CD8B2: variants seen among roughly 807,000 people sequenced by gnomAD.
CD8B2 encodes the protein T-cell surface glycoprotein CD8 beta-2 chain.
CD8B2 carries 11 observed loss-of-function variants against 23.7 expected under a neutral mutation model. The observed-to-expected ratio is 0.46, with a 90% CI of 0.29 to 0.77. The LOEUF is 0.77. CD8B2 is among the 30% of genes least tolerant of loss of function. The pLI, the probability that CD8B2 is intolerant of heterozygous loss-of-function variation, is 0.09. For synonymous variants in CD8B2, 90 were observed against 109.3 expected (o/e 0.82, Z 1.10); for missense variants, 197 against 270.5 (o/e 0.73, Z 1.91).
chr2:106,512,746 C>G (rs192655717), downstream of CD8B2, among the ~76,000 whole-genome samples: 43 of 152,298 alleles, frequency 2.8e-4, no homozygotes, highest in East Asian at 7.4e-3. Flanking sequence ...TGCCCAATCC[C>G]TTAAGTTTCT....
intron 3 of CD8B2, among the ~76,000 whole-genome samples, chr2:106,498,367 T>C (rs1679338905): frequency 6.6e-6 from 1 of 152,068 alleles, no homozygotes; most frequent in Admixed American, 6.5e-5. Context: ...AAGCTGGTCT[T>C]GAGCTCCTGA....
chr2:106,515,073 C>G (rs1236516183), downstream of CD8B2, among the ~76,000 whole-genome samples: 1 of 152,210 alleles, frequency 6.6e-6, no homozygotes, highest in African/African-American at 2.4e-5. Context: ...AGATGTTAAT[C>G]TCCTTTCGCA....
At position 106,496,229 on chromosome 2, in the gene CD8B2, G is replaced by A. The variant is rs1679296802; in HGVS notation, c.460G>A (p.Val154Met). The part of the protein sequence containing the change: ...PTKKSTLKKR[V>M]CRLPRPETQK... ...CAAGAAGTCCACCCTCAAGAAGAGA[G>A]TGTGCCGGTTACCCAGGCCAGAGAC... The change falls in exon 3 of 6, where the codon GTG (valine) becomes ATG (methionine). Residue 154 changes from valine to methionine, a missense_variant. Around this residue, in one of 3 missense-constraint regions of CD8B2, gnomAD observed 35 missense variants for 82.9 expected, o/e 0.42. Transcript: ENST00000643224. 6.5e-7 allele frequency: 1 copy of A among 1,541,370 alleles called. No homozygotes were observed. Among genetic ancestry groups the A allele is most frequent in the African/African-American group, 1.4e-5 (1 of 72,140 alleles).
chr2:106,497,068 G>A (rs1334410992), intron 3 of CD8B2, among the ~76,000 whole-genome samples: 7 of 152,192 alleles, frequency 4.6e-5, no homozygotes, highest in African/African-American at 1.7e-4. Flanking sequence ...TTGAGCTCAG[G>A]AGTTAGAGAC....
chr2:106,522,469 T>G (rs772082858), intron 5 of CD8B2, among the ~76,000 whole-genome samples: 2 of 152,224 alleles, frequency 1.3e-5, no homozygotes, highest in Non-Finnish European at 2.9e-5. Context: ...CAAATTATTT[T>G]GCTCTTGTGA....
Position 106,491,010 on chromosome 2 carries a change from C to T in CD8B2, c.180C>T (p.Ala60=). 2 of 1,613,962 alleles carry T rather than the reference C, an allele frequency of 1.2e-6. No individual in the cohort carries two copies. Among genetic ancestry groups the T allele is most frequent in the Admixed American group, 3.3e-5 (2 of 60,024 alleles). Residue 60 remains alanine (A), a synonymous_variant, in exon 2 of 6, where the codon GCC becomes GCT. Transcript: ENST00000643224. ...MCIYWLRQRQ[A]PSSDSHHEFL... is the part of the protein sequence containing the mutation. The stretch of plus-strand genomic sequence containing the variant: ...TCTACTGGCTGAGACAGCGCCAGGC[C>T]CCGAGCAGTGATAGTCACCACGAGT...
At position 106,511,017 on chromosome 2, in the gene CD8B2, T is replaced by C. The variant is rs1456579174; in HGVS notation, c.*4077T>C. On this transcript the variant is annotated 3_prime_UTR_variant, in exon 6 of 6. Transcript: ENST00000643224. Reference sequence around the variant, plus strand: ...CACTTCTGCTTTGTACAGTTCCTTGTGTGAATTTTTACATCATGTATTACT... The same window carrying C: ...CACTTCTGCTTTGTACAGTTCCTTGCGTGAATTTTTACATCATGTATTACT... The C allele has an allele frequency of 6.6e-6, 1 of 152,234 alleles. No individual in the cohort carries two copies. Among genetic ancestry groups the C allele is most frequent in the Non-Finnish European group, 1.5e-5 (1 of 68,048 alleles). The allele number at this position is 152,234 out of a possible 1,614,324, so 9.4% of individuals were successfully genotyped here.
At chr2:106,536,976 G>A (rs903797003) in intron 5 of CD8B2, among the ~76,000 whole-genome samples, 38 of 152,188 alleles carry the variant, frequency 2.5e-4, no homozygotes, top group African/African-American at 8.0e-4. Context: ...AGTGCAGTAC[G>A]TCTCTCAGAA....
Position 106,504,308 on chromosome 2 carries a change from G to A in CD8B2, c.603G>A (p.Arg201=), listed in dbSNP as rs1679464450. Reference sequence around the variant, plus strand: ...TTCCAGGCCGGCGGAGGAGAGCCCGGCTTCGTTTCATGAAACAGTAAGTGT... The same window carrying A: ...TTCCAGGCCGGCGGAGGAGAGCCCGACTTCGTTTCATGAAACAGTAAGTGT... ...MHLCCRRRRA[R]LRFMKQFYK Residue 201 remains arginine, a synonymous_variant, in exon 5 of 6, where the codon CGG becomes CGA. Coordinates refer to ENST00000643224, the MANE Select transcript of CD8B2 (RefSeq NM_001349727.2). 3 of 1,554,522 alleles carry A rather than the reference G, an allele frequency of 1.9e-6. No homozygotes were observed. The highest frequency in any genetic ancestry group is 2.4e-5 in the South Asian group (2 of 84,192).
At chr2:106,492,523 G>A (rs915041492) in intron 2 of CD8B2, among the ~76,000 whole-genome samples, 66 of 152,264 alleles carry the variant, frequency 4.3e-4, no homozygotes, top group African/African-American at 1.5e-3. Context: ...CACATTTCAC[G>A]TGCTCAGCAG....
intron 5 of CD8B2, among the ~76,000 whole-genome samples, chr2:106,537,815 G>A (rs775342110): frequency 3.3e-5 from 5 of 152,186 alleles, no homozygotes; most frequent in Non-Finnish European, 5.9e-5. Context: ...AAGTTAGCAC[G>A]AAGGAAAAAC....
At chr2:106,497,087 G>A (rs1679314315) in intron 3 of CD8B2, among the ~76,000 whole-genome samples, 2 of 152,128 alleles carry the variant, frequency 1.3e-5, no homozygotes, top group Admixed American at 1.3e-4. Flanking sequence ...ACCAGCCTGG[G>A]CAACACGGTG....
At chr2:106,527,546 A>G (rs1451190180) in intron 5 of CD8B2, among the ~76,000 whole-genome samples, 2 of 152,214 alleles carry the variant, frequency 1.3e-5, no homozygotes, top group Non-Finnish European at 2.9e-5. Flanking sequence ...GCACTTCGGG[A>G]GACCGAGGTG....
At chr2:106,543,910 A>G in intron 5 of CD8B2, 2 of 398,146 alleles carry the variant, frequency 5.0e-6, no homozygotes, top group Non-Finnish European at 8.9e-6. Flanking sequence ...ATACACTGAA[A>G]GTTTTGTGAT....
downstream of CD8B2, among the ~76,000 whole-genome samples, chr2:106,514,195 G>A (rs1034424915): frequency 1.3e-5 from 2 of 150,194 alleles, no homozygotes; most frequent in East Asian, 1.9e-4. Flanking sequence ...TAATACTGTC[G>A]GCCTTTTATC....
intron 1 of CD8B2, among the ~76,000 whole-genome samples, chr2:106,487,738 AG>A (rs1432290969): frequency 6.6e-6 from 1 of 152,144 alleles, no homozygotes; most frequent in Non-Finnish European, 1.5e-5. Context: ...GGCAGTGAAA[AG>A]GGGAGCGAGT....
At chr2:106,513,683 C>T (rs1488914195), downstream of CD8B2, among the ~76,000 whole-genome samples, 1 of 151,836 alleles carries the variant, frequency 6.6e-6, no homozygotes, top group Non-Finnish European at 1.5e-5. Flanking sequence ...CTGGGCAAGA[C>T]CAGACCAGGC....
intron 5 of CD8B2, among the ~76,000 whole-genome samples, chr2:106,525,687 T>G (rs901165196): frequency 4.6e-5 from 7 of 152,238 alleles, no homozygotes. Flanking sequence ...TCTGTGAATT[T>G]ACCTATTCTG....
chr2:106,520,562 T>C (rs925889170), intron 5 of CD8B2, among the ~76,000 whole-genome samples: 1 of 151,920 alleles, frequency 6.6e-6, no homozygotes, highest in Admixed American at 6.6e-5. Context: ...GCCAAGAAAA[T>C]TAAGGACATG....
Sources: gnomAD v4.1 joint callset for allele counts (sites outside exome capture counted in the v4.1 genomes callset) on GRCh38, gnomAD v4.1.1 for gene constraint, gnomAD v4.1.1 regional missense constraint, MANE v1.5 for transcripts, NCBI Gene and HGNC (gene_info 2026-07-23, HGNC 2026-07-21) for gene names.